TANC1: variants seen among roughly 807,000 people sequenced by gnomAD.
The protein encoded by TANC1 is tetratricopeptide repeat, ankyrin repeat and coiled-coil containing 1.
In TANC1, 77 loss-of-function variants were observed where a neutral mutation model predicts 149.7. That is an observed-to-expected ratio of 0.51 (90% CI 0.43 to 0.62). The LOEUF is 0.62. TANC1 is among the 20% of genes least tolerant of loss of function. The probability of loss-of-function intolerance (pLI) is 0.00; values close to 1 mark genes in which losing one functional copy is unlikely to be tolerated. For missense variants in TANC1, 1,985 were observed against 2,321.8 expected (o/e 0.85, Z 2.98); for synonymous variants, 854 against 925.0 (o/e 0.92, Z 1.39).
At chr2:159,033,820 C>T (rs546464318) in intron 2 of TANC1, among the ~76,000 whole-genome samples, 4 of 152,310 alleles carry the variant, frequency 2.6e-5, no homozygotes, top group Admixed American at 1.3e-4. Context: ...ATTCAACCTG[C>T]ATGTGCGCCA....
chr2:159,042,075 G>A (rs544922739), intron 2 of TANC1, among the ~76,000 whole-genome samples: 3 of 152,160 alleles, frequency 2.0e-5, no homozygotes, highest in African/African-American at 7.2e-5. Context: ...CCCATCCCCT[G>A]TATTACTCCC....
chr2:158,997,446 A>G (rs1390315944), intron 1 of TANC1, among the ~76,000 whole-genome samples: 1 of 152,246 alleles, frequency 6.6e-6, no homozygotes, highest in Non-Finnish European at 1.5e-5. Flanking sequence ...ACACACATGT[A>G]TTTCCTAGAT....
chr2:159,092,817 G>T (rs264630), intron 3 of TANC1, among the ~76,000 whole-genome samples: 20,551 of 152,150 alleles, frequency 0.14, 2,550 homozygotes, highest in African/African-American at 0.32. Context: ...GTGTGCTGAC[G>T]CCTTATGTAT....
chr2:159,099,641 C>T (rs2046473686), intron 4 of TANC1, among the ~76,000 whole-genome samples: 1 of 152,060 alleles, frequency 6.6e-6, no homozygotes, highest in Non-Finnish European at 1.5e-5. Context: ...AAGCATGCTA[C>T]TAAGTTTAGC....
chr2:159,156,741 G>T (rs1439427778), intron 7 of TANC1, among the ~76,000 whole-genome samples: 3 of 152,248 alleles, frequency 2.0e-5, no homozygotes, highest in Non-Finnish European at 4.4e-5. Flanking sequence ...AGAAGCTCCA[G>T]TGTCTGTGCA....
At chr2:159,216,699 G>A (rs1259781022) in intron 19 of TANC1, among the ~76,000 whole-genome samples, 2 of 152,038 alleles carry the variant, frequency 1.3e-5, no homozygotes, top group Non-Finnish European at 2.9e-5. Context: ...CTGACTTCCC[G>A]CAGCACCACC....
chr2:159,189,330 A>C (rs895504005), intron 16 of TANC1, among the ~76,000 whole-genome samples: 2 of 152,072 alleles, frequency 1.3e-5, no homozygotes, highest in African/African-American at 2.4e-5. Context: ...TCTCGGCATG[A>C]GGTGTCCCTG....
intron 2 of TANC1, among the ~76,000 whole-genome samples, chr2:159,016,192 G>C (rs949930307): frequency 6.6e-6 from 1 of 152,260 alleles, no homozygotes. Context: ...GAAGGAACAA[G>C]TCCCATCTTA....
At chr2:159,180,403 G>GT (rs1241987589) in intron 14 of TANC1, among the ~76,000 whole-genome samples, 1 of 152,250 alleles carries the variant, frequency 6.6e-6, no homozygotes, top group Non-Finnish European at 1.5e-5. Flanking sequence ...CATCAGGAGT[G>GT]TAGGTTGTTA....
chr2:159,163,192 A>G (rs2054222046), intron 7 of TANC1, 91 bp from the exon 8 acceptor site: 3 of 1,316,806 alleles, frequency 2.3e-6, no homozygotes, highest in Non-Finnish European at 3.1e-6. Context: ...AAAACTTTCC[A>G]TTGATCCTGG....
intron 1 of TANC1, among the ~76,000 whole-genome samples, chr2:158,995,791 A>G (rs1214407642): frequency 1.3e-5 from 2 of 152,202 alleles, no homozygotes; most frequent in East Asian, 3.9e-4. Flanking sequence ...TAGCACTGAC[A>G]CCCACTGCCT....
Position 159,097,928 on chromosome 2 carries a change from A to G in TANC1, c.259+94A>G, listed in dbSNP as rs2149915502. ...GTGCCCATGAGAAATCTTCTGGGAC[A>G]ATGTTTTTTCTTTGTCGCAGTATCT... On this transcript the variant is annotated intron_variant, in intron 4 of 26. Transcript: ENST00000263635. 4 of 1,114,526 alleles carry G rather than the reference A, an allele frequency of 3.6e-6. No homozygotes were observed. In the East Asian group the frequency reaches 7.2e-5, roughly 20 times the overall value. The allele number at this position is 1,114,526 out of a possible 1,614,324, so 69.0% of individuals were successfully genotyped here.
chr2:159,217,562 G>T lies in TANC1; in HGVS notation c.3310G>T (p.Ala1104Ser). The T allele has an allele frequency of 6.2e-7, 1 of 1,614,248 alleles. No homozygotes were observed. Among genetic ancestry groups the T allele is most frequent in the Admixed American group, 1.7e-5 (1 of 60,032 alleles). The stretch of plus-strand genomic sequence containing the variant: ...TGAGCTGCTGCTGGGGCATGGAGCT[G>T]CTGTGTCGCGGACAAACAGGAGAGG... ...VCELLLGHGAAVSRTNRRGVP... is the reference protein window; with the variant it reads ...VCELLLGHGASVSRTNRRGVP... The change falls in exon 20 of 27, where the codon GCT (alanine) becomes TCT (serine). Residue 1104 changes from alanine to serine, a missense_variant. This residue lies in a region of TANC1 where 920 missense variants were observed against 994.7 expected (regional missense o/e 0.92). Coordinates refer to ENST00000263635, the MANE Select transcript of TANC1 (RefSeq NM_033394.3).
At chr2:159,116,257 T>A (rs893582111) in intron 4 of TANC1, among the ~76,000 whole-genome samples, 1 of 152,030 alleles carries the variant, frequency 6.6e-6, no homozygotes, top group Non-Finnish European at 1.5e-5. Context: ...AAACCCCGTC[T>A]CTACTAAAAA....
At position 159,219,234 on chromosome 2, in the gene TANC1, C is replaced by T; in HGVS notation, c.3379-4C>T. ...AGGATGGTAATTCCAAATGTCTCTT[C>T]CAGATTGTTAGACTGCTGTTGGAAC... On this transcript the variant is annotated splice_region_variant and splice_polypyrimidine_tract_variant and intron_variant, in intron 20 of 26. Transcript: ENST00000263635. The T allele has an allele frequency of 6.2e-7, 1 of 1,614,136 alleles. No individual in the cohort carries two copies. Among genetic ancestry groups the T allele is most frequent in the Non-Finnish European group, 8.5e-7 (1 of 1,180,018 alleles).
At chr2:159,174,880 G>A in intron 11 of TANC1, 73 bp from the exon 12 acceptor site, 2 of 1,165,126 alleles carry the variant, frequency 1.7e-6, no homozygotes, top group Middle Eastern at 1.9e-4. Flanking sequence ...GCAGAGTTGT[G>A]TTCCTGTTTG....
chr2:159,083,716 T>C (rs961014037), intron 3 of TANC1, among the ~76,000 whole-genome samples: 3 of 152,190 alleles, frequency 2.0e-5, no homozygotes, highest in African/African-American at 7.2e-5. Flanking sequence ...ACTCAAAAAA[T>C]GAATGAAGTA....
rs1559351604 is a variant in TANC1, at chr2:159,150,501, T to G, written c.627T>G (p.Cys209Trp). 6.2e-7 allele frequency: 1 copy of G among 1,614,166 alleles called. No homozygotes were observed. Among genetic ancestry groups the G allele is most frequent in the East Asian group, 2.2e-5 (1 of 44,882 alleles). The change falls in exon 7 of 27, where the codon TGT (cysteine) becomes TGG (tryptophan). Residue 209 changes from cysteine (C) to tryptophan (W), a missense_variant. Around this residue, in one of 3 missense-constraint regions of TANC1, gnomAD observed 557 missense variants for 612.9 expected, o/e 0.91. Coordinates refer to ENST00000263635, the MANE Select transcript of TANC1 (RefSeq NM_033394.3). ...VSKTAANKSP[C>W]ETISSPSSTL... ...AGACGGCAGCCAACAAAAGTCCCTG[T>G]GAGACCATTAGCAGCCCTAGTTCCA... is the stretch of plus-strand genomic sequence containing the variant.
chr2:159,074,622 AG>A (rs2149747342), intron 3 of TANC1, among the ~76,000 whole-genome samples: 1 of 152,336 alleles, frequency 6.6e-6, no homozygotes, highest in East Asian at 1.9e-4. Context: ...CGCCCCACTA[AG>A]CAAATTTTCT....
Sources: gnomAD v4.1 joint callset for allele counts (sites outside exome capture counted in the v4.1 genomes callset) on GRCh38, gnomAD v4.1.1 for gene constraint, gnomAD v4.1.1 regional missense constraint, MANE v1.5 for transcripts, NCBI Gene and HGNC (gene_info 2026-07-23, HGNC 2026-07-21) for gene names.